TBC1D19: variants seen among roughly 807,000 people sequenced by gnomAD.
The protein encoded by TBC1D19 is TBC1 domain family, member 19.
In TBC1D19, 60 loss-of-function variants were observed where a neutral mutation model predicts 89.0. The observed-to-expected ratio is 0.67, with a 90% confidence interval of 0.55 to 0.84. The LOEUF is 0.84. Ranked by LOEUF, TBC1D19 falls within the 40% of genes least tolerant of loss-of-function variation. The probability of loss-of-function intolerance (pLI) is 0.00; values close to 1 mark genes in which losing one functional copy is unlikely to be tolerated. For missense variants in TBC1D19, 500 were observed against 610.8 expected (o/e 0.82, Z 1.91); for synonymous variants, 189 against 199.7 (o/e 0.95, Z 0.45).
At chr4:26,666,271 T>C (rs989668932) in intron 8 of TBC1D19, 62 bp from the exon 9 acceptor site, 22 of 1,344,442 alleles carry the variant, frequency 1.6e-5, no homozygotes, top group Non-Finnish European at 2.3e-5. Context: ...GCAAAGGTGA[T>C]CTTTTAACAA....
rs1719255516 is a variant in TBC1D19, at chr4:26,756,183, T to C, written c.*1236T>C. Among the ~76,000 whole-genome samples the C allele has an allele frequency of 6.6e-6, 1 of 152,340 alleles. No homozygotes were observed. Among genetic ancestry groups the C allele is most frequent in the East Asian group, 1.9e-4 (1 of 5,188 alleles). On this transcript the variant is annotated 3_prime_UTR_variant, in exon 21 of 21. Coordinates refer to ENST00000264866, the MANE Select transcript of TBC1D19 (RefSeq NM_018317.4). ...AGCTGAATAATAATTTATTCCATGATTGATTCTTAATAAACCCCATTTTAT... is the reference window on the plus strand; with the variant it reads ...AGCTGAATAATAATTTATTCCATGACTGATTCTTAATAAACCCCATTTTAT...
chr4:26,734,948 A>G (rs1042137927), intron 15 of TBC1D19, among the ~76,000 whole-genome samples: 7 of 59,244 alleles, frequency 1.2e-4, no homozygotes, highest in African/African-American at 3.2e-4. Flanking sequence ...ATATATGTAT[A>G]CACATATGTA....
At chr4:26,633,671 G>A (rs1379497790) in intron 4 of TBC1D19, among the ~76,000 whole-genome samples, 1 of 151,956 alleles carries the variant, frequency 6.6e-6, no homozygotes, top group Non-Finnish European at 1.5e-5. Context: ...TTAAATCCTG[G>A]TACTTGCTTC....
the TBC1D19 span, among the ~76,000 whole-genome samples, chr4:26,791,685 G>A: frequency 1.3e-5 from 2 of 151,888 alleles, no homozygotes; most frequent in Non-Finnish European, 2.9e-5. Context: ...TGATTGTAGG[G>A]TATAAGAGCA....
At chr4:26,768,842 C>T in the TBC1D19 span, among the ~76,000 whole-genome samples, 3 of 151,754 alleles carry the variant, frequency 2.0e-5, no homozygotes, top group Non-Finnish European at 4.4e-5. Flanking sequence ...CACCTTTAAA[C>T]AACCTAATAT....
At chr4:26,823,065 A>G in the TBC1D19 span, among the ~76,000 whole-genome samples, 1 of 152,224 alleles carries the variant, frequency 6.6e-6, no homozygotes, top group East Asian at 1.9e-4. Flanking sequence ...TTACAAAGAA[A>G]GAGGTTTAAT....
intron 13 of TBC1D19, among the ~76,000 whole-genome samples, chr4:26,711,595 C>A (rs1267553559): frequency 6.6e-6 from 1 of 151,928 alleles, no homozygotes; most frequent in Non-Finnish European, 1.5e-5. Context: ...TATAATTCTG[C>A]CGTATTAGCA....
At chr4:26,646,109 C>T (rs1358753203) in intron 7 of TBC1D19, among the ~76,000 whole-genome samples, 7 of 125,430 alleles carry the variant, frequency 5.6e-5, no homozygotes, top group Non-Finnish European at 7.8e-5. Flanking sequence ...GGCGACAGAG[C>T]GAGACTCCGT....
intron 1 of TBC1D19, among the ~76,000 whole-genome samples, chr4:26,599,950 C>CAAAA (rs36092049): frequency 1.9e-4 from 14 of 72,780 alleles, no homozygotes; most frequent in East Asian, 4.4e-4. Context: ...TCTGTCTCTC[C>CAAAA]AAAAAAAAAA....
At chr4:26,815,987 C>T in the TBC1D19 span, among the ~76,000 whole-genome samples, 1 of 152,104 alleles carries the variant, frequency 6.6e-6, no homozygotes, top group African/African-American at 2.4e-5. Flanking sequence ...ACTGAAGCAC[C>T]ATTCAGAGGA....
chr4:26,759,418 CT>C (rs906159042), downstream of TBC1D19, among the ~76,000 whole-genome samples: 3 of 151,736 alleles, frequency 2.0e-5, no homozygotes, highest in African/African-American at 7.3e-5. Context: ...TTCAGTCACT[CT>C]TTTTTTTCAT....
At chr4:26,592,524 A>G (rs1258895131) in intron 1 of TBC1D19, among the ~76,000 whole-genome samples, 1 of 135,936 alleles carries the variant, frequency 7.4e-6, no homozygotes, top group Non-Finnish European at 1.5e-5. Flanking sequence ...AGGGTATTCA[A>G]TTAGGAAAAG....
the TBC1D19 span, among the ~76,000 whole-genome samples, chr4:26,800,591 G>A: frequency 1.2e-3 from 182 of 152,046 alleles, no homozygotes; most frequent in African/African-American, 3.2e-3. Flanking sequence ...ACTGACTTCC[G>A]CAATGGTTGA....
At chr4:26,653,094 C>G (rs1744520984) in intron 7 of TBC1D19, among the ~76,000 whole-genome samples, 1 of 152,178 alleles carries the variant, frequency 6.6e-6, no homozygotes, top group East Asian at 1.9e-4. Context: ...TTTCAAAGAA[C>G]ATCTTTATTT....
intron 1 of TBC1D19, among the ~76,000 whole-genome samples, chr4:26,608,046 C>T (rs1037226296): frequency 4.6e-5 from 7 of 152,158 alleles, no homozygotes; most frequent in African/African-American, 1.7e-4. Flanking sequence ...CATACCACAT[C>T]ATGTAGTAGT....
At chr4:26,815,258 T>G in the TBC1D19 span, among the ~76,000 whole-genome samples, 2 of 152,192 alleles carry the variant, frequency 1.3e-5, no homozygotes, top group African/African-American at 4.8e-5. Context: ...TTTAACTCTC[T>G]CCTTTCCTTT....
chr4:26,856,048 C>A, the TBC1D19 span, among the ~76,000 whole-genome samples: 1 of 141,612 alleles, frequency 7.1e-6, no homozygotes, highest in African/African-American at 2.5e-5. Context: ...TTGTGAAGTA[C>A]AATAGATCAC....
At chr4:26,648,651 G>A (rs1032674654) in intron 7 of TBC1D19, among the ~76,000 whole-genome samples, 1 of 152,154 alleles carries the variant, frequency 6.6e-6, no homozygotes. Context: ...GTAAAACTTG[G>A]TTAGAAATTA....
intron 15 of TBC1D19, among the ~76,000 whole-genome samples, chr4:26,723,366 C>T (rs1717097959): frequency 1.3e-5 from 2 of 152,232 alleles, no homozygotes; most frequent in South Asian, 4.1e-4. Flanking sequence ...AATCTTGACA[C>T]CTCTGTCACT....
Sources: allele counts gnomAD v4.1 joint callset (sites outside exome capture counted in the v4.1 genomes callset), GRCh38; gene constraint gnomAD v4.1.1; transcripts MANE v1.5; gene names NCBI Gene and HGNC (gene_info 2026-07-23, HGNC 2026-07-21).